CMIP: variants seen among roughly 807,000 people sequenced by gnomAD.
The protein encoded by CMIP is C-Maf-inducing protein.
In CMIP, 13 loss-of-function variants were observed where a neutral mutation model predicts 97.3. That is an observed-to-expected ratio of 0.13 (90% CI 0.09 to 0.21). The LOEUF is 0.21. CMIP is among the 10% of genes least tolerant of loss of function. The pLI is 1.00. For synonymous variants in CMIP, 538 were observed against 436.3 expected (o/e 1.23, Z -2.91); for missense variants, 847 against 1,024.9 (o/e 0.83, Z 2.37).
intron 7 of CMIP, chr16:81,665,763 CAT>C (rs1357533813): frequency 2.0e-4 from 31 of 152,398 alleles, no homozygotes; most frequent in African/African-American, 7.2e-4. Flanking sequence ...GTGCATGACA[CAT>C]GTGCTCCTCT....
rs112603034 is a variant in CMIP, at chr16:81,656,883, A to G, written c.640-892A>G. Among the ~76,000 whole-genome samples the G allele has an allele frequency of 4.4e-3, 676 of 152,208 alleles. 8 individuals carry two copies. The highest frequency in any genetic ancestry group is 0.016 in the African/African-American group (645 of 41,538). On this transcript the variant is annotated intron_variant, in intron 4 of 20. Coordinates refer to ENST00000537098, the MANE Select transcript of CMIP (RefSeq NM_198390.3). ...GCAATCCACACTCCTCAGCCTCCCA[A>G]AGTGCTGGGATTACAGGCATGGGAG... is the stretch of plus-strand genomic sequence containing the variant.
chr16:81,634,795 T>C lies in CMIP; in HGVS notation c.477+13869T>C, dbSNP rs181479341. 2.6e-5 allele frequency among the ~76,000 whole-genome samples: 4 copies of C among 152,056 alleles called. No homozygotes were observed. In the East Asian group the frequency reaches 5.8e-4, roughly 22 times the overall value. The stretch of plus-strand genomic sequence containing the variant: ...GCGCCGGTGACTCCCACCCAGAGGA[T>C]GCAGCTGGGAAGGATGGAGGCTTCC... On this transcript the variant is annotated intron_variant, in intron 3 of 20. Coordinates refer to ENST00000537098, the MANE Select transcript of CMIP (RefSeq NM_198390.3).
At chr16:81,567,037 G>A (rs2090995265) in intron 1 of CMIP, among the ~76,000 whole-genome samples, 1 of 152,224 alleles carries the variant, frequency 6.6e-6, no homozygotes, top group African/African-American at 2.4e-5. Flanking sequence ...TCACATGAGT[G>A]TGAGCATTTG....
chr16:81,510,317 C>T (rs372473720), intron 1 of CMIP, among the ~76,000 whole-genome samples: 7 of 152,234 alleles, frequency 4.6e-5, no homozygotes, highest in South Asian at 2.1e-4. Flanking sequence ...CCATGATGGC[C>T]GCCCTCATCA....
intron 1 of CMIP, among the ~76,000 whole-genome samples, chr16:81,504,155 CT>C (rs1567548058): frequency 1.3e-5 from 2 of 151,870 alleles, no homozygotes; most frequent in Non-Finnish European, 2.9e-5. Context: ...GTGAAACCCC[CT>C]CTCTACTAAA....
In CMIP at chr16:81,453,654, C is replaced by A. The variant is rs899455696; in HGVS notation, c.300+8113C>A. ...CGGGTATGGAAGGGGCTGTGTGTTC[C>A]CCAGGCAGGCTAGCTGCCGTAACAC... On this transcript the variant is annotated intron_variant, in intron 1 of 20. Transcript: ENST00000537098. The surrounding 1 kb of genome is among the most constrained non-coding windows in gnomAD (Gnocchi z 4.0). Among the ~76,000 whole-genome samples the A allele has an allele frequency of 2.6e-4, 40 of 152,320 alleles. No individual in the cohort carries two copies. The highest frequency in any genetic ancestry group is 4.1e-4 in the Non-Finnish European group (28 of 68,034).
At chr16:81,461,048 G>A (rs1906868384) in intron 1 of CMIP, among the ~76,000 whole-genome samples, 1 of 152,230 alleles carries the variant, frequency 6.6e-6, no homozygotes, top group South Asian at 2.1e-4. Context: ...GCCCAGATGC[G>A]AGGTTACCAC....
At chr16:81,502,695 T>A (rs906269502) in intron 1 of CMIP, among the ~76,000 whole-genome samples, 3 of 152,238 alleles carry the variant, frequency 2.0e-5, no homozygotes, top group African/African-American at 7.2e-5. Context: ...GTTATCATCA[T>A]ATTCCCATTG....
At chr16:81,459,479 C>A (rs544197548) in intron 1 of CMIP, among the ~76,000 whole-genome samples, 9 of 152,300 alleles carry the variant, frequency 5.9e-5, no homozygotes, top group African/African-American at 2.2e-4. Flanking sequence ...GCTCCCAACC[C>A]AAGCAAGATG....
chr16:81,698,264 A>C (rs4889367), intron 14 of CMIP: 2 of 152,196 alleles, frequency 1.3e-5, no homozygotes, highest in African/African-American at 4.8e-5. Flanking sequence ...AGGAAAGCCA[A>C]TGGGGTGTCG....
At chr16:81,515,728 G>A (rs985295078) in intron 1 of CMIP, among the ~76,000 whole-genome samples, 7 of 152,184 alleles carry the variant, frequency 4.6e-5, no homozygotes, top group African/African-American at 7.2e-5. Flanking sequence ...CTTGGGGTCC[G>A]TTCCTTGTCC....
intron 9 of CMIP, among the ~76,000 whole-genome samples, chr16:81,675,586 AT>A (rs1315244848): frequency 6.6e-6 from 1 of 152,164 alleles, no homozygotes; most frequent in Non-Finnish European, 1.5e-5. Context: ...TTTAAAATAG[AT>A]TCCTGGCTGC....
intron 1 of CMIP, among the ~76,000 whole-genome samples, chr16:81,456,774 G>A (rs546941128): frequency 6.6e-6 from 1 of 152,188 alleles, no homozygotes; most frequent in Non-Finnish European, 1.5e-5. Flanking sequence ...TGTCAGAAAG[G>A]CCCACAGTGG....
chr16:81,580,214 G>A lies in CMIP; in HGVS notation c.301-27353G>A, dbSNP rs553894008. Among the ~76,000 whole-genome samples the A allele has an allele frequency of 7.2e-5, 11 of 152,260 alleles. No homozygotes were observed. The East Asian group carries it at 1.7e-3, about 24-fold the overall frequency. On this transcript the variant is annotated intron_variant, in intron 1 of 20. Coordinates refer to ENST00000537098, the MANE Select transcript of CMIP (RefSeq NM_198390.3). Reference sequence around the variant, plus strand: ...CAGCAGCTGTGATGTAGGGCCTTGAGGGCAGGGCCGTGATCAGACCCCTTT... The same window carrying A: ...CAGCAGCTGTGATGTAGGGCCTTGAAGGCAGGGCCGTGATCAGACCCCTTT...
At chr16:81,475,152 C>T (rs985881002) in intron 1 of CMIP, among the ~76,000 whole-genome samples, 8 of 152,054 alleles carry the variant, frequency 5.3e-5, no homozygotes, top group Non-Finnish European at 1.2e-4. Context: ...CCCTTCTCTC[C>T]CTCCCTCCCT....
At chr16:81,657,854 C>A in intron 5 of CMIP, 38 bp downstream of exon 5, 3 of 1,554,238 alleles carry the variant, frequency 1.9e-6, no homozygotes, top group Non-Finnish European at 2.6e-6. Context: ...CACCCACCTC[C>A]GCCTCCTGGA....
chr16:81,707,127 T>C (rs1394970128), intron 20 of CMIP, 43 bp downstream of exon 20: 2 of 1,550,034 alleles, frequency 1.3e-6, no homozygotes, highest in South Asian at 2.2e-5. Flanking sequence ...CTCCTTCTTC[T>C]AGCCAGCATC....
intron 18 of CMIP, among the ~76,000 whole-genome samples, chr16:81,704,437 GCCCCC>G (rs1358666593): frequency 0.011 from 5 of 458 alleles, no homozygotes; most frequent in Non-Finnish European, 0.018. Flanking sequence ...CCTCCTCCCT[GCCCCC>G]TCCCCCTCCC....
intron 1 of CMIP, among the ~76,000 whole-genome samples, chr16:81,577,801 T>C (rs111171281): frequency 3.4e-5 from 4 of 115,954 alleles, no homozygotes; most frequent in African/African-American, 8.0e-5. Context: ...ACCTTCATCA[T>C]CACCGTCATC....
Sources: gnomAD v4.1 joint callset for allele counts (sites outside exome capture counted in the v4.1 genomes callset) on GRCh38, gnomAD v4.1.1 for gene constraint, Gnocchi (gnomAD v3.1) non-coding constraint, MANE v1.5 for transcripts, NCBI Gene and HGNC (gene_info 2026-07-23, HGNC 2026-07-21) for gene names.